TMEM65: variants seen among roughly 807,000 people sequenced by gnomAD.
The protein encoded by TMEM65 is transmembrane protein 65.
In TMEM65, 22 loss-of-function variants were observed where a neutral mutation model predicts 25.4. The observed-to-expected ratio is 0.86, with a 90% CI of 0.62 to 1.23. The LOEUF (loss-of-function observed/expected upper bound fraction) is 1.23, where lower values mean the gene tolerates loss of function less well. Ranked by LOEUF, TMEM65 falls within the 50% of genes most tolerant of loss-of-function variation. The pLI, the probability that TMEM65 is intolerant of heterozygous loss-of-function variation, is 0.00. For missense variants in TMEM65, 262 were observed against 308.2 expected, an observed-to-expected ratio of 0.85 and a Z score of 1.12; for synonymous variants, 132 against 126.2, an observed-to-expected ratio of 1.05 and a Z score of -0.31.
At chr8:124,343,971 AC>A (rs1471721915) in intron 1 of TMEM65, among the ~76,000 whole-genome samples, 1 of 152,174 alleles carries the variant, frequency 6.6e-6, no homozygotes, top group Non-Finnish European at 1.5e-5. Flanking sequence ...CAAATGTGTA[AC>A]CCTAATTCCT....
chr8:124,365,869 A>G (rs1035232491), intron 1 of TMEM65, among the ~76,000 whole-genome samples: 4 of 152,102 alleles, frequency 2.6e-5, no homozygotes, highest in Non-Finnish European at 5.9e-5. Context: ...TACTTTGACA[A>G]CTCTAAGAGA....
chr8:124,366,724 A>C (rs994795157), intron 1 of TMEM65, among the ~76,000 whole-genome samples: 2 of 34,752 alleles, frequency 5.8e-5, no homozygotes, highest in Non-Finnish European at 1.0e-4. Context: ...GAAAAAAAAA[A>C]ACTTTACTTG....
In TMEM65 at chr8:124,309,779, A is replaced by T. The variant is rs1294207000; in HGVS notation, c.*4181T>A. The T allele has an allele frequency of 2.6e-5, 4 of 152,252 alleles. No individual in the cohort carries two copies. The highest frequency in any genetic ancestry group is 4.8e-5 in the African/African-American group (2 of 41,442). 9.4% of individuals were successfully genotyped at this position (152,252 alleles called of 1,614,324 possible). ...TAAGTGTATATTTGCAGGTGGGCGC[A>T]GGGGCTCACGCCTGTAATCCCAGCA... On this transcript the variant is annotated 3_prime_UTR_variant, in exon 7 of 7. Transcript: ENST00000297632.
At chr8:124,329,956 A>G (rs926857744) in intron 2 of TMEM65, among the ~76,000 whole-genome samples, 1 of 151,966 alleles carries the variant, frequency 6.6e-6, no homozygotes, top group African/African-American at 2.4e-5. Context: ...AATCTCTAAT[A>G]TAAATTACAT....
In TMEM65 at chr8:124,363,832, G is replaced by A. The variant is rs573347136; in HGVS notation, c.304+8022C>T. On this transcript the variant is annotated intron_variant, in intron 1 of 6. Transcript: ENST00000297632. ...AGCCAGGGCGACAGAGCGAGACTCC[G>A]TCTCAAAAAAAAAAAAAAAAAAAAA... Among the ~76,000 whole-genome samples the A allele has an allele frequency of 3.2e-3, 229 of 71,016 alleles. 3 individuals are homozygous for A. In the East Asian group the frequency reaches 0.064, roughly 20 times the overall value. The allele number at this position is 71,016 out of a possible 152,430, so 46.6% of individuals were successfully genotyped here. A position where few individuals can be genotyped will look rare whatever the true frequency, so the allele number is the denominator to read the frequency against.
In TMEM65 at chr8:124,313,254, G is replaced by T. The variant is rs1290740055; in HGVS notation, c.*706C>A. On this transcript the variant is annotated 3_prime_UTR_variant, in exon 7 of 7. Transcript: ENST00000297632. ...TTATTCAAAACTGGGAAACTAAAAG[G>T]TTAAAAAAAATCAACTAAAAATTGT... is the stretch of plus-strand genomic sequence containing the variant. The T allele has an allele frequency of 6.6e-6, 1 of 151,616 alleles. No individual in the cohort carries two copies. The highest frequency in any genetic ancestry group is 1.5e-5 in the Non-Finnish European group (1 of 67,808). 9.4% of individuals were successfully genotyped at this position (151,616 alleles called of 1,614,324 possible).
At chr8:124,325,456 T>C (rs933627501) in intron 3 of TMEM65, among the ~76,000 whole-genome samples, 2 of 152,012 alleles carry the variant, frequency 1.3e-5, no homozygotes, top group African/African-American at 4.8e-5. Flanking sequence ...CACAGGATAA[T>C]ATTTTTGCCA....
At position 124,329,957 on chromosome 8, in the gene TMEM65, T is replaced by C. The variant is rs939399711; in HGVS notation, c.349+791A>G. Among the ~76,000 whole-genome samples, 27 of 152,056 alleles carry C rather than the reference T, an allele frequency of 1.8e-4. 1 individual carries two copies. The highest frequency in any genetic ancestry group is 5.1e-4 in the African/African-American group (21 of 41,560). ...TGAGGAAAGTTACTAATCTCTAATA[T>C]AAATTACATTCTACCTGTCAGAGAA... On this transcript the variant is annotated intron_variant, in intron 2 of 6. Coordinates refer to ENST00000297632, the MANE Select transcript of TMEM65 (RefSeq NM_194291.3).
Position 124,372,266 on chromosome 8 carries a change from G to A in TMEM65, c.-109C>T, listed in dbSNP as rs1429092510. The A allele has an allele frequency of 9.4e-7, 1 of 1,065,682 alleles. No homozygotes were observed. The allele number at this position is 1,065,682 out of a possible 1,614,324, so 66.0% of individuals were successfully genotyped here. ...CTCGACCCCGCCCCGAGGTCCTCCT[G>A]CCAGGCAGCCGAGGCGCCGGGCACC... On this transcript the variant is annotated 5_prime_UTR_variant, in exon 1 of 7. An upstream open reading frame in the 5' UTR gains an earlier in-frame stop. Transcript: ENST00000297632.
At chr8:124,352,813 T>C (rs959554266) in intron 1 of TMEM65, among the ~76,000 whole-genome samples, 1 of 152,018 alleles carries the variant, frequency 6.6e-6, no homozygotes, top group Non-Finnish European at 1.5e-5. Context: ...CACAGGCAGG[T>C]TGGTCTGGTA....
intron 6 of TMEM65, among the ~76,000 whole-genome samples, chr8:124,315,572 C>T (rs1814226018): frequency 6.6e-6 from 1 of 152,078 alleles, no homozygotes; most frequent in Non-Finnish European, 1.5e-5. Flanking sequence ...CCACCCGCCT[C>T]GGCCTCCCAA....
intron 6 of TMEM65, among the ~76,000 whole-genome samples, chr8:124,319,259 C>T (rs1814276577): frequency 6.6e-6 from 1 of 152,088 alleles, no homozygotes; most frequent in African/African-American, 2.4e-5. Context: ...AAATAGAACT[C>T]ATTATCTTCC....
intron 1 of TMEM65, among the ~76,000 whole-genome samples, chr8:124,337,027 A>G (rs995744430): frequency 2.0e-5 from 3 of 151,872 alleles, no homozygotes; most frequent in Admixed American, 2.0e-4. Flanking sequence ...GGTGAAATGG[A>G]CAAATTCCTT....
chr8:124,370,400 CTATA>C (rs1318292131), intron 1 of TMEM65, among the ~76,000 whole-genome samples: 1 of 152,108 alleles, frequency 6.6e-6, no homozygotes, highest in African/African-American at 2.4e-5. Context: ...ACATGACTGA[CTATA>C]TTATTTTTCC....
At chr8:124,350,951 A>C in intron 1 of TMEM65, 10 of 984,246 alleles carry the variant, frequency 1.0e-5, no homozygotes, top group Non-Finnish European at 1.2e-5. Context: ...AAACAGAAAA[A>C]TTAGGCAGTC....
rs557308204 is a variant in TMEM65 at position 124,345,496 on chromosome 8, G to C, written c.305-14704C>G. ...GTAAAAGAAATGTGCAACACCTATA[G>C]TTTCTACATTTTAGCCTCCATCATA... On this transcript the variant is annotated intron_variant, in intron 1 of 6. Coordinates refer to ENST00000297632, the MANE Select transcript of TMEM65 (RefSeq NM_194291.3). Among the ~76,000 whole-genome samples the C allele has an allele frequency of 3.5e-4, 54 of 152,246 alleles. 2 individuals are homozygous for C. The East Asian group carries it at 8.3e-3, about 23-fold the overall frequency.
At chr8:124,348,515 T>C (rs1814668026) in intron 1 of TMEM65, among the ~76,000 whole-genome samples, 1 of 152,170 alleles carries the variant, frequency 6.6e-6, no homozygotes, top group Non-Finnish European at 1.5e-5. Context: ...CTTTTACTTA[T>C]TAGATATAGA....
chr8:124,363,071 G>A (rs1406745497), intron 1 of TMEM65, among the ~76,000 whole-genome samples: 1 of 152,174 alleles, frequency 6.6e-6, no homozygotes, highest in African/African-American at 2.4e-5. Context: ...TTGATTAAGT[G>A]CGTTAAATCT....
chr8:124,318,349 T>C (rs1814262521), intron 6 of TMEM65, among the ~76,000 whole-genome samples: 1 of 144,672 alleles, frequency 6.9e-6, no homozygotes, highest in Non-Finnish European at 1.5e-5. Flanking sequence ...TGTTTTAAGC[T>C]GCTGAATTTG....
Sources: gnomAD v4.1 joint callset for allele counts (sites outside exome capture counted in the v4.1 genomes callset) on GRCh38, gnomAD v4.1.1 for gene constraint, MANE v1.5 for transcripts, NCBI Gene and HGNC (gene_info 2026-07-23, HGNC 2026-07-21) for gene names.